NRXN3: variants seen among roughly 807,000 people sequenced by gnomAD.
The protein encoded by NRXN3 is neurexin 3, also known as neurexin III.
NRXN3 carries 32 observed loss-of-function variants against 137.6 expected under a neutral mutation model. The ratio of observed to expected loss-of-function variants is 0.23; its 90% CI spans 0.18 to 0.31. The LOEUF is 0.31. Ranked by LOEUF, NRXN3 falls within the 10% of genes least tolerant of loss-of-function variation. The pLI, the probability that NRXN3 is intolerant of heterozygous loss-of-function variation, is 1.00. For missense variants in NRXN3, 1,574 were observed against 2,062.5 expected (o/e 0.76, Z 4.59); for synonymous variants, 798 against 784.5 (o/e 1.02, Z -0.29).
intron 10 of NRXN3, among the ~76,000 whole-genome samples, chr14:78,871,933 T>C (rs999185962): frequency 2.0e-5 from 3 of 152,070 alleles, no homozygotes; most frequent in African/African-American, 7.2e-5. Context: ...ATGTCTCTGT[T>C]AGATTATCAC....
intron 15 of NRXN3, chr14:79,280,438 G>A (rs772194009): frequency 7.4e-6 from 12 of 1,614,060 alleles, no homozygotes; most frequent in Admixed American, 3.3e-5. Context: ...CTTCCTCGCC[G>A]GGGTCTCACT....
chr14:79,565,310 C>CACACACATGTGTGTGTATATATAT (rs1567520616), intron 16 of NRXN3, among the ~76,000 whole-genome samples: 17 of 114,112 alleles, frequency 1.5e-4, no homozygotes, highest in African/African-American at 4.3e-4. Context: ...TATACATATA[C>CACACACATGTGTGTGTATATATAT]ACACACATGT....
chr14:78,320,780 A>G (rs2079239843), intron 4 of NRXN3, among the ~76,000 whole-genome samples: 1 of 152,104 alleles, frequency 6.6e-6, no homozygotes, highest in Non-Finnish European at 1.5e-5. Flanking sequence ...CATTTCACTG[A>G]TGAGGAAATC....
At chr14:78,972,560 G>A (rs1399170121) in intron 14 of NRXN3, among the ~76,000 whole-genome samples, 2 of 152,168 alleles carry the variant, frequency 1.3e-5, no homozygotes, top group Non-Finnish European at 2.9e-5. Context: ...ACTCCCTGAG[G>A]TTGGCTGTGT....
chr14:78,900,340 T>A (rs1183518807), intron 10 of NRXN3, among the ~76,000 whole-genome samples: 2 of 151,976 alleles, frequency 1.3e-5, no homozygotes, highest in African/African-American at 4.8e-5. Flanking sequence ...TAGCAGCTTC[T>A]AAGCCTAGTG....
intron 1 of NRXN3, among the ~76,000 whole-genome samples, chr14:78,192,234 C>G (rs529896778): frequency 6.6e-6 from 1 of 152,044 alleles, no homozygotes; most frequent in Non-Finnish European, 1.5e-5. Flanking sequence ...TAAACTGATA[C>G]GGGCACTCAG....
intron 4 of NRXN3, among the ~76,000 whole-genome samples, chr14:78,582,126 C>T (rs2097005368): frequency 6.6e-6 from 1 of 152,188 alleles, no homozygotes; most frequent in Admixed American, 6.5e-5. Context: ...TGTGGGTGAG[C>T]TCATGGTTTC....
rs573756055 is a variant in NRXN3 at position 79,779,795 on chromosome 14, T to C, written c.4015-25317T>C. On this transcript the variant is annotated intron_variant, in intron 19 of 20. Transcript: ENST00000335750. ...AAGAGTAGACCAGAGTATCCATTTC[T>C]CAACTCATTTCTTAATAAGGCAACA... is the stretch of plus-strand genomic sequence containing the variant. Among the ~76,000 whole-genome samples, 9 of 152,340 alleles carry C rather than the reference T, an allele frequency of 5.9e-5. No individual in the cohort carries two copies. In the South Asian group the frequency reaches 1.7e-3, roughly 28 times the overall value.
chr14:78,716,592 C>T (rs1209805323), intron 8 of NRXN3, among the ~76,000 whole-genome samples: 1 of 152,164 alleles, frequency 6.6e-6, no homozygotes, highest in Non-Finnish European at 1.5e-5. Flanking sequence ...CTCATCTCTA[C>T]AGACCAGTGG....
chr14:79,361,658 A>G (rs2093685995), intron 15 of NRXN3, among the ~76,000 whole-genome samples: 1 of 152,182 alleles, frequency 6.6e-6, no homozygotes, highest in African/African-American at 2.4e-5. Context: ...CAGAGGTTGC[A>G]GTGAGCTGAA....
At chr14:79,346,056 C>T (rs917475140) in intron 15 of NRXN3, among the ~76,000 whole-genome samples, 1 of 152,178 alleles carries the variant, frequency 6.6e-6, no homozygotes, top group African/African-American at 2.4e-5. Context: ...CCTAAATGAT[C>T]TTCTTGCTTC....
chr14:78,955,974 T>C (rs17108413), intron 10 of NRXN3, among the ~76,000 whole-genome samples: 32,943 of 152,038 alleles, frequency 0.22, 4,625 homozygotes, highest in East Asian at 0.46. Context: ...AACAGACTTA[T>C]ATAGACATTG....
chr14:79,670,711 A>T (rs1170673895), intron 17 of NRXN3, among the ~76,000 whole-genome samples: 1 of 152,064 alleles, frequency 6.6e-6, no homozygotes, highest in African/African-American at 2.4e-5. Context: ...TAAAATGGGG[A>T]TTGTGTTCAT....
At chr14:79,700,307 A>T (rs2098750170) in intron 19 of NRXN3, among the ~76,000 whole-genome samples, 1 of 152,046 alleles carries the variant, frequency 6.6e-6, no homozygotes, top group Non-Finnish European at 1.5e-5. Context: ...TCTGGGAGAT[A>T]CTTCAGAAGT....
chr14:78,288,592 G>C (rs2075442464), intron 3 of NRXN3, among the ~76,000 whole-genome samples: 1 of 152,180 alleles, frequency 6.6e-6, no homozygotes, highest in African/African-American at 2.4e-5. Flanking sequence ...GTCCCTTCTA[G>C]CTTCATGTCA....
chr14:79,443,109 T>C (rs2095995030), intron 15 of NRXN3, among the ~76,000 whole-genome samples: 1 of 152,248 alleles, frequency 6.6e-6, no homozygotes, highest in Non-Finnish European at 1.5e-5. Flanking sequence ...TTATCTTCTA[T>C]ACAGCTACAG....
At chr14:78,728,274 A>G (rs989629162) in intron 8 of NRXN3, among the ~76,000 whole-genome samples, 4 of 152,136 alleles carry the variant, frequency 2.6e-5, no homozygotes, top group Non-Finnish European at 5.9e-5. Flanking sequence ...ATTTATTGCA[A>G]ATAAGCTTGG....
intron 4 of NRXN3, among the ~76,000 whole-genome samples, chr14:78,381,408 T>C (rs1410607629): frequency 2.0e-5 from 3 of 152,164 alleles, no homozygotes; most frequent in African/African-American, 7.2e-5. Context: ...ATCTAGAATA[T>C]ATAAAGCACC....
chr14:79,255,040 A>T (rs1471062616), intron 15 of NRXN3, among the ~76,000 whole-genome samples: 1 of 152,196 alleles, frequency 6.6e-6, no homozygotes, highest in African/African-American at 2.4e-5. Flanking sequence ...TCATTGAAGG[A>T]GAATAGCATT....
Sources: gnomAD v4.1 joint callset for allele counts (sites outside exome capture counted in the v4.1 genomes callset) on GRCh38, gnomAD v4.1.1 for gene constraint, MANE v1.5 for transcripts, NCBI Gene and HGNC (gene_info 2026-07-23, HGNC 2026-07-21) for gene names.